The following VAMP7 variants were observed in gnomAD, a reference collection of about 807,000 sequenced individuals.
VAMP7 encodes vesicle associated membrane protein 7.
A neutral mutation model predicts 29.6 loss-of-function variants in VAMP7; 14 were observed. That is an observed-to-expected ratio of 0.47 (90% CI 0.31 to 0.74). The LOEUF (loss-of-function observed/expected upper bound fraction) is 0.74. VAMP7 is among the 30% of genes least tolerant of loss of function. The probability of loss-of-function intolerance (pLI) is 0.05; values close to 1 mark genes in which losing one functional copy is unlikely to be tolerated. For missense variants in VAMP7, 223 were observed against 262.4 expected (o/e 0.85, Z 1.04); for synonymous variants, 95 against 88.1 (o/e 1.08, Z -0.44).
At chrX:155,932,605 G>T (rs2066578374) in intron 6 of VAMP7, among the ~76,000 whole-genome samples, 1 of 152,044 alleles carries the variant, frequency 6.6e-6, no homozygotes, top group East Asian at 1.9e-4. Context: ...GGAGATTTTG[G>T]GCTGAGATAA....
chrX:155,892,992 A>G (rs774409930), intron 2 of VAMP7, among the ~76,000 whole-genome samples: 2 of 151,976 alleles, frequency 1.3e-5, no homozygotes, highest in African/African-American at 2.4e-5. Context: ...ACCTCAGGCA[A>G]TCCGCCCGCC....
At chrX:155,923,594 A>G (rs1220840964) in intron 6 of VAMP7, among the ~76,000 whole-genome samples, 4 of 150,938 alleles carry the variant, frequency 2.7e-5, no homozygotes, top group African/African-American at 7.3e-5. Context: ...TTTCTTCTGG[A>G]TGCTTTAAAG....
chrX:155,891,924 T>C (rs1225286770), intron 2 of VAMP7, among the ~76,000 whole-genome samples: 2 of 152,212 alleles, frequency 1.3e-5, no homozygotes, highest in Non-Finnish European at 2.9e-5. Context: ...TAAAAATGTA[T>C]TAGACTTACA....
chrX:155,937,303 T>TA (rs1282610463), intron 6 of VAMP7, among the ~76,000 whole-genome samples: 1 of 152,146 alleles, frequency 6.6e-6, no homozygotes, highest in Non-Finnish European at 1.5e-5. Context: ...TGTATGAACT[T>TA]ACAGTTGTAA....
intron 6 of VAMP7, among the ~76,000 whole-genome samples, chrX:155,920,340 A>C (rs1253895456): frequency 6.6e-6 from 1 of 152,178 alleles, no homozygotes. Context: ...AGCGCCAATA[A>C]GCCTTAAAGG....
At position 155,917,587 on chromosome X, in the gene VAMP7, T is replaced by C. The variant is rs776855777; in HGVS notation, c.434-2226T>C. 3.3e-5 allele frequency among the ~76,000 whole-genome samples: 5 copies of C among 152,310 alleles called. No individual in the cohort carries two copies. The South Asian group carries it at 8.3e-4, about 25-fold the overall frequency. On this transcript the variant is annotated intron_variant, in intron 5 of 7. Transcript: ENST00000286448. ...TCTCTGCTGCAGGTCTGCTGGAGTT[T>C]GTTGGAGGTCCACTCCAGACCCAGT...
At chrX:155,898,009 T>A in intron 3 of VAMP7, 103 bp from the exon 4 acceptor site, 1 of 1,402,376 alleles carries the variant, frequency 7.1e-7, no homozygotes, top group Non-Finnish European at 9.8e-7. Context: ...CCTCAGATAA[T>A]CATTGCTCAG....
intron 5 of VAMP7, among the ~76,000 whole-genome samples, chrX:155,913,755 A>C (rs1233725092): frequency 6.6e-6 from 1 of 152,172 alleles, no homozygotes; most frequent in African/African-American, 2.4e-5. Flanking sequence ...TACCAATACC[A>C]TGCTGTTTTG....
intron 7 of VAMP7, among the ~76,000 whole-genome samples, chrX:155,940,952 G>C (rs371603034): frequency 1.3e-5 from 2 of 152,176 alleles, no homozygotes; most frequent in African/African-American, 4.8e-5. Context: ...ATTCATCAAT[G>C]CATCCTTTTC....
At chrX:155,896,888 C>A (rs1367422618) in intron 3 of VAMP7, among the ~76,000 whole-genome samples, 2 of 151,854 alleles carry the variant, frequency 1.3e-5, no homozygotes, top group Non-Finnish European at 2.9e-5. Flanking sequence ...TTTTAATTTT[C>A]CTTTTCCAGA....
chrX:155,930,271 A>G (rs1341823794), intron 6 of VAMP7, among the ~76,000 whole-genome samples: 1 of 152,136 alleles, frequency 6.6e-6, no homozygotes, highest in Non-Finnish European at 1.5e-5. Flanking sequence ...TAAATCACAT[A>G]GTCATTTTTT....
chrX:155,901,931 G>T (rs1177908593), intron 5 of VAMP7, among the ~76,000 whole-genome samples: 1 of 152,002 alleles, frequency 6.6e-6, no homozygotes, highest in Non-Finnish European at 1.5e-5. Flanking sequence ...AGCTTGATGG[G>T]GATGGCATTG....
rs373170075 is a variant in VAMP7, at chrX:155,910,613, C to T, written c.434-9200C>T. On this transcript the variant is annotated intron_variant, in intron 5 of 7. Transcript: ENST00000286448. The stretch of plus-strand genomic sequence containing the variant: ...TTTTTTTTTTTTTCCTTATACTAGC[C>T]AGCATCTGTTATTTTGTATCTTTTT... Among the ~76,000 whole-genome samples, 74 of 151,258 alleles carry T rather than the reference C, an allele frequency of 4.9e-4. 3 individuals carry two copies. The East Asian group carries it at 0.014, about 29-fold the overall frequency.
chrX:155,916,903 A>G (rs772543394), intron 5 of VAMP7, among the ~76,000 whole-genome samples: 22 of 152,158 alleles, frequency 1.4e-4, no homozygotes, highest in African/African-American at 5.1e-4. Flanking sequence ...ATGTTGACCT[A>G]TCTTGCTAGG....
chrX:155,908,043 C>T (rs1452062663), intron 5 of VAMP7, among the ~76,000 whole-genome samples: 9 of 151,978 alleles, frequency 5.9e-5, no homozygotes, highest in East Asian at 1.9e-4. Context: ...GATGGGATGG[C>T]GGCCGGGCAG....
chrX:155,893,042 C>T (rs1435686237), intron 2 of VAMP7, among the ~76,000 whole-genome samples: 3 of 152,058 alleles, frequency 2.0e-5, no homozygotes, highest in African/African-American at 4.8e-5. Context: ...CATGAGCCAC[C>T]GTGCCTGGCC....
chrX:155,893,384 A>G (rs2065948184), intron 2 of VAMP7, among the ~76,000 whole-genome samples: 1 of 152,136 alleles, frequency 6.6e-6, no homozygotes, highest in South Asian at 2.1e-4. Flanking sequence ...ATGAGAGTGC[A>G]TGCTGCCCTC....
chrX:155,887,718 C>T lies in VAMP7; in HGVS notation c.-9-1740C>T, dbSNP rs186688040. Among the ~76,000 whole-genome samples the T allele has an allele frequency of 1.2e-4, 18 of 151,818 alleles. No homozygotes were observed. The East Asian group carries it at 3.1e-3, about 26-fold the overall frequency. ...CCAAGGCAGGTGGATCACTTGAGCC[C>T]GGGAGTTCAAGACCAGCCTGGGTGA... On this transcript the variant is annotated intron_variant, in intron 1 of 7. Transcript: ENST00000286448.
chrX:155,919,094 T>C (rs1028669661), intron 5 of VAMP7, among the ~76,000 whole-genome samples: 1 of 152,174 alleles, frequency 6.6e-6, no homozygotes, highest in Admixed American at 6.5e-5. Context: ...GCTGGCCTTA[T>C]AGAATGAGTA....
Sources: allele counts gnomAD v4.1 joint callset (sites outside exome capture counted in the v4.1 genomes callset), GRCh38; gene constraint gnomAD v4.1.1; transcripts MANE v1.5; gene names NCBI Gene and HGNC (gene_info 2026-07-23, HGNC 2026-07-21).